Variants in RIMS2 observed in about 807,000 individuals in gnomAD.
The protein encoded by RIMS2 is regulating synaptic membrane exocytosis protein 2.
RIMS2 carries 59 observed loss-of-function variants against 174.4 expected under a neutral mutation model. The observed-to-expected ratio is 0.34, with a 90% confidence interval of 0.27 to 0.42. The LOEUF is 0.42. Among genes scored for constraint, RIMS2 ranks in the 10% least tolerant of loss-of-function variants. The pLI, the probability that RIMS2 is intolerant of heterozygous loss-of-function variation, is 1.00. For missense variants in RIMS2, 1,620 were observed against 1,666.3 expected (o/e 0.97, Z 0.48); for synonymous variants, 606 against 572.5 (o/e 1.06, Z -0.84).
chr8:103,887,180 A>G (rs976353788), intron 4 of RIMS2, among the ~76,000 whole-genome samples: 1 of 151,770 alleles, frequency 6.6e-6, no homozygotes, highest in South Asian at 2.1e-4. Context: ...AATGTTTTAT[A>G]TGTTTATCTG....
chr8:104,041,258 C>T (rs1597597227), intron 19 of RIMS2, 68 bp from the exon 22 acceptor site: 1 of 576,056 alleles, frequency 1.7e-6, no homozygotes, highest in Non-Finnish European at 3.2e-6. Flanking sequence ...CACTTTTTAC[C>T]TTTTGAGTAC....
At chr8:103,563,175 T>C (rs2091868994) in intron 1 of RIMS2, among the ~76,000 whole-genome samples, 1 of 152,238 alleles carries the variant, frequency 6.6e-6, no homozygotes, top group African/African-American at 2.4e-5. Context: ...TTTGCAAATT[T>C]CTGCAGCTGG....
intron 19 of RIMS2, among the ~76,000 whole-genome samples, chr8:104,154,154 A>G (rs543832967): frequency 6.6e-6 from 1 of 152,222 alleles, no homozygotes; most frequent in East Asian, 1.9e-4. Context: ...TATTATCTCC[A>G]TTCGATAGAT....
rs948665629 is a variant in RIMS2 at position 103,848,269 on chromosome 8, G to T, written c.699-37029G>T. Among the ~76,000 whole-genome samples, 4 of 152,050 alleles carry T rather than the reference G, an allele frequency of 2.6e-5. No homozygotes were observed. In the East Asian group the frequency reaches 7.7e-4, roughly 29 times the overall value. On this transcript the variant is annotated intron_variant, in intron 3 of 23. Transcript: ENST00000504942. ...CACTGAATGAGGCTGCAGTGAAGAA[G>T]CACTCAATTTTTAGTTTACACTCAC...
At chr8:103,736,194 A>G (rs1364168751) in intron 2 of RIMS2, among the ~76,000 whole-genome samples, 2 of 152,198 alleles carry the variant, frequency 1.3e-5, no homozygotes. Context: ...AATGTGAGTC[A>G]AAACTCAAGT....
At chr8:103,759,597 A>G (rs944590949) in intron 2 of RIMS2, among the ~76,000 whole-genome samples, 1 of 151,830 alleles carries the variant, frequency 6.6e-6, no homozygotes, top group Non-Finnish European at 1.5e-5. Flanking sequence ...AAGAAAAGAA[A>G]AAAGAAAGGC....
intron 19 of RIMS2, among the ~76,000 whole-genome samples, chr8:104,155,932 G>A (rs1288576390): frequency 6.6e-6 from 1 of 151,996 alleles, no homozygotes; most frequent in Non-Finnish European, 1.5e-5. Flanking sequence ...AATAACATAT[G>A]GATTTACATC....
intron 19 of RIMS2, among the ~76,000 whole-genome samples, chr8:104,201,900 A>G (rs1166079214): frequency 6.6e-6 from 1 of 152,206 alleles, no homozygotes; most frequent in Non-Finnish European, 1.5e-5. Flanking sequence ...TGTAGAAGCT[A>G]GTATTAACAG....
At chr8:103,918,537 C>T in intron 9 of RIMS2, 50 bp downstream of exon 12, 1 of 1,239,716 alleles carries the variant, frequency 8.1e-7, no homozygotes, top group Non-Finnish European at 1.2e-6. Context: ...TTGCATTCAT[C>T]AGAGATCAGA....
intron 19 of RIMS2, among the ~76,000 whole-genome samples, chr8:104,075,637 ATTATT>A (rs1240407648): frequency 3.3e-5 from 5 of 152,056 alleles, no homozygotes; most frequent in African/African-American, 1.2e-4. Flanking sequence ...ATATTTTCCT[ATTATT>A]TTATTTATTT....
intron 19 of RIMS2, 107 bp from the exon 25 acceptor site, chr8:104,148,500 C>A: frequency 2.8e-6 from 3 of 1,074,602 alleles, no homozygotes; most frequent in Non-Finnish European, 3.9e-6. Flanking sequence ...AAATATATTC[C>A]ATAGATGATA....
At chr8:104,116,528 ATG>A (rs2098280257) in intron 19 of RIMS2, among the ~76,000 whole-genome samples, 1 of 152,140 alleles carries the variant, frequency 6.6e-6, no homozygotes, top group Admixed American at 6.5e-5. Flanking sequence ...CTGTTCTGAA[ATG>A]GTTTTAATAA....
chr8:104,042,073 A>G (rs1298251455), intron 19 of RIMS2, among the ~76,000 whole-genome samples: 3 of 151,256 alleles, frequency 2.0e-5, no homozygotes. Flanking sequence ...GAGTGTATAT[A>G]TTTTATATAT....
At chr8:104,096,014 T>C (rs1357569459) in intron 19 of RIMS2, among the ~76,000 whole-genome samples, 1 of 152,190 alleles carries the variant, frequency 6.6e-6, no homozygotes, top group Non-Finnish European at 1.5e-5. Flanking sequence ...TATTTGAATC[T>C]AAATTAGTAA....
chr8:103,707,233 G>T (rs186333552), intron 2 of RIMS2, among the ~76,000 whole-genome samples: 1 of 152,254 alleles, frequency 6.6e-6, no homozygotes, highest in African/African-American at 2.4e-5. Flanking sequence ...TTCCTTGCTT[G>T]AGAGATTATG....
intron 19 of RIMS2, among the ~76,000 whole-genome samples, chr8:104,110,808 C>A (rs13279907): frequency 6.6e-6 from 1 of 151,988 alleles, no homozygotes; most frequent in South Asian, 2.1e-4. Flanking sequence ...TTCTCATCAA[C>A]ATTCACAGCA....
chr8:103,950,295 C>G (rs1434356592), intron 14 of RIMS2, among the ~76,000 whole-genome samples: 1 of 152,014 alleles, frequency 6.6e-6, no homozygotes, highest in Non-Finnish European at 1.5e-5. Flanking sequence ...TACTCTAATA[C>G]CAACAACTAA....
At chr8:103,910,904 A>G (rs1280036679) in intron 5 of RIMS2, among the ~76,000 whole-genome samples, 1 of 152,242 alleles carries the variant, frequency 6.6e-6, no homozygotes, top group African/African-American at 2.4e-5. Context: ...CTTGGGATGA[A>G]AATTAAATTA....
At chr8:103,669,217 C>T (rs1252845861) in intron 1 of RIMS2, among the ~76,000 whole-genome samples, 5 of 152,088 alleles carry the variant, frequency 3.3e-5, no homozygotes, top group Non-Finnish European at 5.9e-5. Flanking sequence ...CATCAGATCT[C>T]GTGAGACTTA....
Sources: gnomAD v4.1 joint callset for allele counts (sites outside exome capture counted in the v4.1 genomes callset) on GRCh38, gnomAD v4.1.1 for gene constraint, MANE v1.5 for transcripts, NCBI Gene and HGNC (gene_info 2026-07-23, HGNC 2026-07-21) for gene names.